The following RALGAPB variants were observed in gnomAD, a reference collection of about 807,000 sequenced individuals.
RALGAPB encodes ral GTPase-activating protein subunit beta.
Under a neutral mutation model 161.1 loss-of-function variants are expected in RALGAPB, and 25 were observed. The observed-to-expected ratio is 0.16, with a 90% CI of 0.11 to 0.22. RALGAPB has a LOEUF of 0.22. RALGAPB is among the 10% of genes least tolerant of loss of function. The pLI is 1.00. For missense variants in RALGAPB, 1,391 were observed against 1,815.2 expected (o/e 0.77, Z 4.25); for synonymous variants, 629 against 626.1 (o/e 1.00, Z -0.07).
At chr20:38,534,483 G>C (rs2086745508) in intron 15 of RALGAPB, 1 of 152,482 alleles carries the variant, frequency 6.6e-6, no homozygotes, top group Non-Finnish European at 1.5e-5. Context: ...ACTAGTGATT[G>C]CTTTTACATA....
intron 2 of RALGAPB, among the ~76,000 whole-genome samples, chr20:38,489,931 G>T (rs1486027719): frequency 3.3e-5 from 5 of 152,104 alleles, no homozygotes; most frequent in Non-Finnish European, 1.5e-5. Flanking sequence ...AGTAGATAGA[G>T]GTGCTCTGAT....
chr20:38,517,885 C>G lies in RALGAPB; in HGVS notation c.1302C>G (p.Ala434=). Residue 434 remains alanine (A), a synonymous_variant, in exon 9 of 30, where the codon GCC becomes GCG. Coordinates refer to ENST00000262879, the MANE Select transcript of RALGAPB (RefSeq NM_020336.4). The stretch of plus-strand genomic sequence containing the variant: ...GTTCAGAACCCCGGCCACTGCCTGC[C>G]CCTCGGAGACCAAAGGTTAACAGCA... ...QTSSEPRPLP[A]PRRPKVNSIL... is the part of the protein sequence containing the mutation. 1 of 1,613,734 alleles carries G rather than the reference C, an allele frequency of 6.2e-7. No homozygotes were observed.
chr20:38,546,567 C>A, intron 19 of RALGAPB, 137 bp downstream of exon 19: 1 of 1,219,210 alleles, frequency 8.2e-7, no homozygotes, highest in Non-Finnish European at 1.1e-6. Context: ...GGGACAATAG[C>A]ACCTGAAAAA....
chr20:38,482,535 C>T (rs1416046239), intron 1 of RALGAPB, among the ~76,000 whole-genome samples: 2 of 145,140 alleles, frequency 1.4e-5, no homozygotes, highest in African/African-American at 5.0e-5. Flanking sequence ...TCAAGAGATT[C>T]TACTGCCTCA....
At chr20:38,537,353 A>G (rs531550235) in intron 16 of RALGAPB, among the ~76,000 whole-genome samples, 40 of 152,322 alleles carry the variant, frequency 2.6e-4, no homozygotes, top group African/African-American at 9.6e-4. Flanking sequence ...AATTAACTCA[A>G]ACTGGCTGGG....
intron 9 of RALGAPB, 69 bp downstream of exon 9, chr20:38,518,069 C>T: frequency 7.1e-7 from 1 of 1,407,516 alleles, no homozygotes; most frequent in Non-Finnish European, 9.9e-7. Context: ...TTTAGTCTTT[C>T]CTACCTGCAA....
intron 2 of RALGAPB, among the ~76,000 whole-genome samples, chr20:38,489,925 G>C (rs1388365068): frequency 6.6e-6 from 1 of 152,108 alleles, no homozygotes; most frequent in Non-Finnish European, 1.5e-5. Context: ...TACGTGAGTA[G>C]ATAGAGGTGC....
chr20:38,532,915 A>G, intron 15 of RALGAPB, 56 bp downstream of exon 15: 1 of 1,534,656 alleles, frequency 6.5e-7, no homozygotes, highest in Non-Finnish European at 8.9e-7. Context: ...TAATGCTTAC[A>G]TTTATAAAAC....
At chr20:38,535,564 T>C (rs950641488) in intron 16 of RALGAPB, among the ~76,000 whole-genome samples, 17 of 152,112 alleles carry the variant, frequency 1.1e-4, no homozygotes, top group African/African-American at 4.1e-4. Flanking sequence ...CATCCTCCAT[T>C]ATCAGAGATA....
chr20:38,574,697 G>C, intron 29 of RALGAPB, 77 bp from the exon 30 acceptor site: 2 of 1,391,918 alleles, frequency 1.4e-6, no homozygotes, highest in South Asian at 2.4e-5. Flanking sequence ...GCGGAGAATA[G>C]TTCACCTGAA....
In RALGAPB at chr20:38,517,622, A is replaced by G; in HGVS notation, c.1168A>G (p.Thr390Ala). Residue 390 changes from threonine to alanine, a missense_variant, in exon 8 of 30, where the codon ACT becomes GCT. By Grantham distance (58) the Thr-to-Ala change is moderately conservative (BLOSUM62 0). This residue lies in a region of RALGAPB where 946 missense variants were observed against 1,257.2 expected (regional missense o/e 0.75). Coordinates refer to ENST00000262879, the MANE Select transcript of RALGAPB (RefSeq NM_020336.4). The stretch of plus-strand genomic sequence containing the variant: ...ACATAACCGGAGGCACCGGGCTGTT[A>G]CTGTGAATAAGGCCACCATGAAGAC... Reference protein sequence around the residue: ...PPHNRRHRAVTVNKATMKTST... With the variant: ...PPHNRRHRAVAVNKATMKTST... 6.2e-7 allele frequency: 1 copy of G among 1,614,030 alleles called. No homozygotes were observed. The highest frequency in any genetic ancestry group is 8.5e-7 in the Non-Finnish European group (1 of 1,180,012).
intron 25 of RALGAPB, among the ~76,000 whole-genome samples, chr20:38,566,756 T>G (rs1207862939): frequency 6.6e-6 from 1 of 152,230 alleles, no homozygotes; most frequent in African/African-American, 2.4e-5. Flanking sequence ...ATTCTACATC[T>G]GAAACGTCAA....
In RALGAPB at chr20:38,576,876, T is replaced by A. The variant is rs760206325; in HGVS notation, c.*1909T>A. On this transcript the variant is annotated 3_prime_UTR_variant, in exon 30 of 30. Transcript: ENST00000262879. ...AAAATAACTGATGCAGATGTACTTC[T>A]TCAGTGTGATTCTTCAGATCAAACT... The A allele has an allele frequency of 3.9e-5, 6 of 152,684 alleles. No homozygotes were observed. Among genetic ancestry groups the A allele is most frequent in the African/African-American group, 1.4e-4 (6 of 41,472 alleles). 9.5% of individuals were successfully genotyped at this position (152,684 alleles called of 1,614,324 possible).
chr20:38,557,711 G>A (rs2087636855), intron 22 of RALGAPB, among the ~76,000 whole-genome samples: 1 of 152,092 alleles, frequency 6.6e-6, no homozygotes, highest in African/African-American at 2.4e-5. Context: ...TTGGGTTGGT[G>A]GTTTATTTCT....
At chr20:38,529,331 A>G (rs2086575702) in intron 13 of RALGAPB, among the ~76,000 whole-genome samples, 1 of 152,128 alleles carries the variant, frequency 6.6e-6, no homozygotes, top group Admixed American at 6.5e-5. Context: ...CACCCTGGCC[A>G]GCATGGTGAA....
chr20:38,519,048 A>G (rs146889977), intron 9 of RALGAPB, among the ~76,000 whole-genome samples: 107 of 152,292 alleles, frequency 7.0e-4, no homozygotes, highest in African/African-American at 2.1e-3. Context: ...ATTATTTTGA[A>G]TATTCTTACA....
intron 19 of RALGAPB, chr20:38,546,926 A>T (rs1257210223): frequency 6.4e-6 from 1 of 155,848 alleles, no homozygotes; most frequent in Admixed American, 6.2e-5. Context: ...GTATTTTCCC[A>T]ATACATCCAA....
intron 1 of RALGAPB, among the ~76,000 whole-genome samples, 172 bp downstream of exon 1, chr20:38,473,241 A>C (rs2084703388): frequency 6.6e-6 from 1 of 152,078 alleles, no homozygotes; most frequent in Non-Finnish European, 1.5e-5. Context: ...GGGCGGGGAA[A>C]GCTTGGCCCT....
intron 5 of RALGAPB, among the ~76,000 whole-genome samples, chr20:38,503,020 G>A (rs1279316880): frequency 6.6e-6 from 1 of 152,152 alleles, no homozygotes; most frequent in South Asian, 2.1e-4. Flanking sequence ...AAGTAATTGC[G>A]GCTTTTGCCA....
Sources: allele counts gnomAD v4.1 joint callset (sites outside exome capture counted in the v4.1 genomes callset), GRCh38; gene constraint gnomAD v4.1.1; regional missense constraint gnomAD v4.1.1; transcripts MANE v1.5; gene names NCBI Gene and HGNC (gene_info 2026-07-23, HGNC 2026-07-21).